The following SLC6A16 variants were observed in gnomAD, a reference collection of about 807,000 sequenced individuals.
SLC6A16 encodes orphan sodium- and chloride-dependent neurotransmitter transporter NTT5.
Under a neutral mutation model 65.4 loss-of-function variants are expected in SLC6A16, and 54 were observed. That is an observed-to-expected ratio of 0.83 (90% CI 0.66 to 1.04). The LOEUF (loss-of-function observed/expected upper bound fraction) is 1.04. SLC6A16 is among the 50% of genes least tolerant of loss of function. The pLI is 0.00. For synonymous variants in SLC6A16, 330 were observed against 346.5 expected (o/e 0.95, Z 0.53); for missense variants, 816 against 914.0 (o/e 0.89, Z 1.38).
chr19:49,325,313 C>A (rs1024563464), upstream of SLC6A16: 6 of 881,636 alleles, frequency 6.8e-6, no homozygotes, highest in African/African-American at 1.1e-4. Flanking sequence ...CTGCTCTCTC[C>A]CCACACGCAC....
Position 49,292,450 on chromosome 19 carries a change from G to T in SLC6A16, c.1778+773C>A, listed in dbSNP as rs756350134. ...TTGACTCTTCCTGGTCTGTTCTCCA[G>T]ACAGCAGCCATAAATACCTTTTTAA... is the stretch of plus-strand genomic sequence containing the variant. On this transcript the variant is annotated intron_variant, in intron 10 of 11. Transcript: ENST00000335875. This position sits in a 1 kb window ranked among gnomAD's most constrained non-coding sequence, Gnocchi z 4.3. Among the ~76,000 whole-genome samples the T allele has an allele frequency of 1.8e-4, 27 of 152,240 alleles. No individual in the cohort carries two copies. The highest frequency in any genetic ancestry group is 1.6e-4 in the Non-Finnish European group (11 of 68,026).
At chr19:49,293,624 C>T (rs772740848) in intron 9 of SLC6A16, among the ~76,000 whole-genome samples, 18 of 152,058 alleles carry the variant, frequency 1.2e-4, no homozygotes, top group Non-Finnish European at 1.9e-4. Flanking sequence ...CTTAGCCGGG[C>T]GTGGTGATGC....
chr19:49,299,267 T>C (rs1242725278), intron 7 of SLC6A16, among the ~76,000 whole-genome samples: 77 of 143,794 alleles, frequency 5.4e-4, no homozygotes, highest in Non-Finnish European at 7.7e-4. Flanking sequence ...AAAAGAAAGC[T>C]GAAAGATGCC....
chr19:49,299,062 G>C (rs371800387), intron 7 of SLC6A16, among the ~76,000 whole-genome samples: 4 of 151,742 alleles, frequency 2.6e-5, no homozygotes, highest in African/African-American at 9.7e-5. Context: ...TGGCTAACAC[G>C]GTGAAACCCC....
At chr19:49,316,672 A>G (rs1372397536) in intron 1 of SLC6A16, among the ~76,000 whole-genome samples, 1 of 152,090 alleles carries the variant, frequency 6.6e-6, no homozygotes, top group Non-Finnish European at 1.5e-5. Context: ...CAGAGGCCAC[A>G]ATGAGGAGAA....
At chr19:49,304,746 G>C (rs1449843915) in intron 7 of SLC6A16, among the ~76,000 whole-genome samples, 4 of 152,108 alleles carry the variant, frequency 2.6e-5, no homozygotes, top group Admixed American at 6.6e-5. Flanking sequence ...TATACAACTG[G>C]AAAATGACTA....
At position 49,290,254 on chromosome 19, in the gene SLC6A16, C is replaced by T; in HGVS notation, c.2080G>A (p.Asp694Asn). The change falls in exon 12 of 12, where the codon GAC becomes AAC. Residue 694 changes from aspartate to asparagine, a missense_variant. Physicochemically the swap from Asp to Asn is conservative, Grantham distance 23. Coordinates refer to ENST00000335875, the MANE Select transcript of SLC6A16 (RefSeq NM_014037.3). ...GATGTGGAGGCTGTCATAGGCCCGT[C>T]TCCGCTCTTGGGCCTGAAGGGAATC... ...HRIPFRPKSG[D>N]GPMTASTSLP... 1 of 1,614,110 alleles carries T rather than the reference C, an allele frequency of 6.2e-7. No individual in the cohort carries two copies. Among genetic ancestry groups the T allele is most frequent in the Non-Finnish European group, 8.5e-7 (1 of 1,180,036 alleles).
intron 8 of SLC6A16, 81 bp downstream of exon 8, chr19:49,294,286 G>C (rs1970140743): frequency 7.4e-7 from 1 of 1,356,132 alleles, no homozygotes; most frequent in African/African-American, 1.5e-5. Context: ...GATTTTTGCT[G>C]GTGCTAATAA....
At chr19:49,290,849 T>G in intron 10 of SLC6A16, 82 bp from the exon 11 acceptor site, 1 of 1,136,836 alleles carries the variant, frequency 8.8e-7, no homozygotes, top group African/African-American at 1.6e-5. Context: ...CTTGGCATCT[T>G]TCAAACATTC....
intron 7 of SLC6A16, among the ~76,000 whole-genome samples, chr19:49,294,870 G>T (rs558193290): frequency 6.6e-6 from 1 of 152,166 alleles, no homozygotes; most frequent in South Asian, 2.1e-4. Context: ...AGACTAACGG[G>T]TAAGAGCCAA....
At chr19:49,335,442 G>A in the SLC6A16 span, 15 of 886,424 alleles carry the variant, frequency 1.7e-5, no homozygotes, top group African/African-American at 8.3e-5. This position sits in a 1 kb window ranked among gnomAD's most constrained non-coding sequence, Gnocchi z 4.6. Context: ...TCAGCTCTCC[G>A]TCTCTCTTTC....
chr19:49,329,505 G>A (rs183296048), upstream of SLC6A16, among the ~76,000 whole-genome samples: 9 of 152,192 alleles, frequency 5.9e-5, no homozygotes, highest in African/African-American at 7.2e-5. Context: ...TGACTCAGCC[G>A]GGAGCGGTGG....
In SLC6A16 at chr19:49,311,119, C is replaced by T. The variant is rs779345234; in HGVS notation, c.229G>A (p.Ala77Thr). 2.5e-6 allele frequency: 4 copies of T among 1,614,198 alleles called. No individual in the cohort carries two copies. The highest frequency in any genetic ancestry group is 1.1e-5 in the South Asian group (1 of 91,088). ...GTGGGTTTCTGGTTCAGGGCTGAGG[C>T]AGTTAACGCCTCCAATACAGAAATT... is the stretch of plus-strand genomic sequence containing the variant. ...KQISVLEALTASALNQKPTHE... is the reference protein window; with the variant it reads ...KQISVLEALTTSALNQKPTHE... The change falls in exon 2 of 12, where the codon GCC becomes ACC. Residue 77 changes from alanine to threonine, a missense_variant. Coordinates refer to ENST00000335875, the MANE Select transcript of SLC6A16 (RefSeq NM_014037.3).
rs767376013 is a variant in SLC6A16 at position 49,290,408 on chromosome 19, A to T, written c.1942-16T>A. 1 of 1,602,312 alleles carries T rather than the reference A, an allele frequency of 6.2e-7. No homozygotes were observed. Among genetic ancestry groups the T allele is most frequent in the Non-Finnish European group, 8.5e-7 (1 of 1,173,136 alleles). On this transcript the variant is annotated splice_polypyrimidine_tract_variant and intron_variant, in intron 11 of 11. Coordinates refer to ENST00000335875, the MANE Select transcript of SLC6A16 (RefSeq NM_014037.3). Reference sequence around the variant, plus strand: ...CCTCTTTTGACTGTGGAGAGATGGGAAAAGGGTTCAGAATATCAAAATCCC... The same window carrying T: ...CCTCTTTTGACTGTGGAGAGATGGGTAAAGGGTTCAGAATATCAAAATCCC...
intron 7 of SLC6A16, among the ~76,000 whole-genome samples, chr19:49,297,008 G>T (rs904647981): frequency 3.9e-5 from 6 of 151,940 alleles, no homozygotes; most frequent in African/African-American, 1.5e-4. Context: ...ATATATATTT[G>T]CAACTTTGAG....
intron 1 of SLC6A16, among the ~76,000 whole-genome samples, chr19:49,314,260 T>C (rs573721096): frequency 4.6e-5 from 7 of 151,986 alleles, no homozygotes; most frequent in Admixed American, 3.3e-4. Flanking sequence ...TAGTAACAGA[T>C]GAGAACCAAC....
chr19:49,339,206 T>G, the SLC6A16 span: 1 of 842,766 alleles, frequency 1.2e-6, no homozygotes, highest in Admixed American at 2.1e-5. The surrounding 1 kb of genome is among the most constrained non-coding windows in gnomAD (Gnocchi z 4.5). Context: ...GAGACTAGAG[T>G]GCCCTGGTGA....
At chr19:49,329,549 G>A (rs1223464901), upstream of SLC6A16, among the ~76,000 whole-genome samples, 1 of 151,908 alleles carries the variant, frequency 6.6e-6, no homozygotes, top group Non-Finnish European at 1.5e-5. Flanking sequence ...TTGCAAGGGC[G>A]AGGTGGGAGG....
At chr19:49,326,002 A>C (rs1019337479), upstream of SLC6A16, among the ~76,000 whole-genome samples, 4 of 151,312 alleles carry the variant, frequency 2.6e-5, no homozygotes, top group African/African-American at 9.7e-5. Flanking sequence ...TCTCTACTAA[A>C]AGTCAAAAAA....
Sources: gnomAD v4.1 joint callset for allele counts (sites outside exome capture counted in the v4.1 genomes callset) on GRCh38, gnomAD v4.1.1 for gene constraint, Gnocchi (gnomAD v3.1) non-coding constraint, MANE v1.5 for transcripts, NCBI Gene and HGNC (gene_info 2026-07-23, HGNC 2026-07-21) for gene names.